EHBP1: variants seen among roughly 807,000 people sequenced by gnomAD.
The protein encoded by EHBP1 is EH domain binding protein 1, also known as EH domain-binding protein 1.
In EHBP1, 55 loss-of-function variants were observed where a neutral mutation model predicts 144.0. The ratio of observed to expected loss-of-function variants is 0.38; its 90% CI spans 0.31 to 0.48. The LOEUF (loss-of-function observed/expected upper bound fraction) is 0.48. Ranked by LOEUF, EHBP1 falls within the 20% of genes least tolerant of loss-of-function variation. EHBP1 has a pLI of 0.98. For synonymous variants in EHBP1, 469 were observed against 472.7 expected (o/e 0.99, Z 0.10); for missense variants, 1,200 against 1,364.2 (o/e 0.88, Z 1.90).
At chr2:62,887,304 G>C (rs1573906518) in intron 10 of EHBP1, among the ~76,000 whole-genome samples, 1 of 152,264 alleles carries the variant, frequency 6.6e-6, no homozygotes, top group African/African-American at 2.4e-5. Context: ...AAGAAGGGTA[G>C]AATGGATATT....
chr2:62,820,736 TAATATA>T (rs1465825494), intron 5 of EHBP1, among the ~76,000 whole-genome samples: 10 of 72,814 alleles, frequency 1.4e-4, no homozygotes, highest in African/African-American at 4.7e-4. Context: ...TGTGTGTGTA[TAATATA>T]TATATATATA....
intron 10 of EHBP1, among the ~76,000 whole-genome samples, chr2:62,917,839 A>G (rs952779094): frequency 6.6e-6 from 1 of 151,796 alleles, no homozygotes; most frequent in Non-Finnish European, 1.5e-5. Flanking sequence ...GTCTCCCAGC[A>G]CTTTGATTTC....
intron 3 of EHBP1, among the ~76,000 whole-genome samples, chr2:62,761,408 C>A (rs981441011): frequency 3.9e-5 from 6 of 152,096 alleles, no homozygotes; most frequent in Non-Finnish European, 7.4e-5. Context: ...ATTGACAATT[C>A]ATAAGTTGGA....
intron 5 of EHBP1, among the ~76,000 whole-genome samples, chr2:62,809,188 G>A (rs1410746988): frequency 3.3e-5 from 5 of 151,914 alleles, no homozygotes; most frequent in Admixed American, 3.3e-4. Context: ...CTACTTGGGA[G>A]GCTGAGGCAG....
At chr2:63,032,303 T>G (rs1352492731) in intron 19 of EHBP1, among the ~76,000 whole-genome samples, 1 of 149,848 alleles carries the variant, frequency 6.7e-6, no homozygotes, top group Non-Finnish European at 1.5e-5. Flanking sequence ...GCGCGGTGCC[T>G]CACGCCTGTA....
At chr2:62,892,384 G>T (rs555834537) in intron 10 of EHBP1, among the ~76,000 whole-genome samples, 1 of 152,170 alleles carries the variant, frequency 6.6e-6, no homozygotes, top group Non-Finnish European at 1.5e-5. Context: ...AACAGAAAAG[G>T]TTCATTTAAT....
chr2:62,970,904 A>T (rs2058469034), intron 14 of EHBP1, among the ~76,000 whole-genome samples: 1 of 152,168 alleles, frequency 6.6e-6, no homozygotes, highest in Non-Finnish European at 1.5e-5. Context: ...AGGAGGATAA[A>T]ATTAAAAGTA....
At chr2:62,692,381 T>C (rs544667992) in intron 1 of EHBP1, among the ~76,000 whole-genome samples, 1 of 152,250 alleles carries the variant, frequency 6.6e-6, no homozygotes, top group Non-Finnish European at 1.5e-5. Context: ...TCCACTTCTC[T>C]TTGGTATTTA....
At chr2:63,038,282 T>A (rs551894910) in intron 20 of EHBP1, among the ~76,000 whole-genome samples, 1 of 152,194 alleles carries the variant, frequency 6.6e-6, no homozygotes, top group East Asian at 1.9e-4. Context: ...ATTTTATAAT[T>A]TCTGCCATGC....
chr2:62,968,542 A>G (rs536942923), intron 14 of EHBP1, among the ~76,000 whole-genome samples: 9 of 152,192 alleles, frequency 5.9e-5, no homozygotes, highest in Non-Finnish European at 1.0e-4. Context: ...AATATGATAC[A>G]TAGATGTCAT....
chr2:62,778,346 A>G (rs955611256), intron 5 of EHBP1, among the ~76,000 whole-genome samples: 2 of 152,060 alleles, frequency 1.3e-5, no homozygotes, highest in African/African-American at 4.8e-5. Flanking sequence ...CAAGACCACC[A>G]TGGGCAATAT....
intron 3 of EHBP1, among the ~76,000 whole-genome samples, chr2:62,750,829 A>T (rs2039625223): frequency 6.6e-6 from 1 of 152,108 alleles, no homozygotes; most frequent in Non-Finnish European, 1.5e-5. Context: ...TTGCGCATTG[A>T]TTTTGTGTCC....
chr2:62,894,160 G>T (rs1457882551), intron 10 of EHBP1, among the ~76,000 whole-genome samples: 1 of 152,144 alleles, frequency 6.6e-6, no homozygotes, highest in Non-Finnish European at 1.5e-5. Flanking sequence ...GAACTGTCCT[G>T]CAAACTAGGA....
chr2:62,807,235 T>C (rs1414436151), intron 5 of EHBP1, among the ~76,000 whole-genome samples: 1 of 152,166 alleles, frequency 6.6e-6, no homozygotes, highest in African/African-American at 2.4e-5. Context: ...CAAACTGATA[T>C]CTATTGGATC....
At chr2:62,768,818 G>A (rs568291253) in intron 4 of EHBP1, among the ~76,000 whole-genome samples, 69 of 152,276 alleles carry the variant, frequency 4.5e-4, no homozygotes, top group African/African-American at 1.5e-3. Context: ...AATCTACCAC[G>A]ATCAAGTCAG....
intron 7 of EHBP1, among the ~76,000 whole-genome samples, chr2:62,835,313 A>T (rs2047127334): frequency 6.6e-6 from 1 of 151,974 alleles, no homozygotes; most frequent in South Asian, 2.1e-4. Flanking sequence ...CCCATCCCTT[A>T]CATGTTGCTT....
At chr2:62,884,143 A>T (rs1431246843) in intron 10 of EHBP1, among the ~76,000 whole-genome samples, 2 of 152,350 alleles carry the variant, frequency 1.3e-5, no homozygotes, top group East Asian at 3.9e-4. Flanking sequence ...TTCCAAAGGA[A>T]TCACAAGTAA....
At chr2:62,992,140 A>C (rs2059438867) in intron 16 of EHBP1, among the ~76,000 whole-genome samples, 1 of 152,200 alleles carries the variant, frequency 6.6e-6, no homozygotes, top group African/African-American at 2.4e-5. Context: ...TTTGCTGGCT[A>C]ATCGCACTGA....
At chr2:62,870,574 G>A (rs2050379995) in intron 9 of EHBP1, among the ~76,000 whole-genome samples, 2 of 151,668 alleles carry the variant, frequency 1.3e-5, no homozygotes, top group African/African-American at 4.8e-5. Flanking sequence ...AAATTAGCTG[G>A]GTGTAGTGGC....
Sources: gnomAD v4.1 joint callset for allele counts (sites outside exome capture counted in the v4.1 genomes callset) on GRCh38, gnomAD v4.1.1 for gene constraint, MANE v1.5 for transcripts, NCBI Gene and HGNC (gene_info 2026-07-23, HGNC 2026-07-21) for gene names.